PSIP1: variants seen among roughly 807,000 people sequenced by gnomAD.
PSIP1 encodes the protein PC4 and SFRS1-interacting protein.
Under a neutral mutation model 74.7 loss-of-function variants are expected in PSIP1, and 19 were observed. The observed-to-expected ratio is 0.25, with a 90% CI of 0.18 to 0.37. The LOEUF is 0.37. Ranked by LOEUF, PSIP1 falls within the 10% of genes least tolerant of loss-of-function variation. The pLI, the probability that PSIP1 is intolerant of heterozygous loss-of-function variation, is 1.00. For synonymous variants in PSIP1, 222 were observed against 195.3 expected (o/e 1.14, Z -1.14); for missense variants, 601 against 614.3 (o/e 0.98, Z 0.23).
At chr9:15,484,209 T>C (rs1355051181) in intron 6 of PSIP1, among the ~76,000 whole-genome samples, 1 of 147,800 alleles carries the variant, frequency 6.8e-6, no homozygotes, top group African/African-American at 2.5e-5. Context: ...GAGGCTCACA[T>C]CTGCAATCCT....
At chr9:15,504,989 T>C (rs979274976) in intron 3 of PSIP1, 11 of 140,122 alleles carry the variant, frequency 7.9e-5, no homozygotes, top group Admixed American at 7.5e-4. Flanking sequence ...TGAGATGAGG[T>C]CTGCAGTGGT....
intron 8 of PSIP1, among the ~76,000 whole-genome samples, chr9:15,475,800 T>C (rs1409545486): frequency 1.3e-5 from 2 of 152,210 alleles, no homozygotes; most frequent in Non-Finnish European, 2.9e-5. Flanking sequence ...GGTTCTTCCA[T>C]GAAATACAGA....
intron 12 of PSIP1, 92 bp from the exon 13 acceptor site, chr9:15,469,150 G>A: frequency 7.3e-7 from 1 of 1,369,902 alleles, no homozygotes; most frequent in Non-Finnish European, 1.0e-6. Flanking sequence ...AAAAGAGGTA[G>A]TGCAAAATGA....
At chr9:15,485,824 G>T in intron 6 of PSIP1, 182 bp downstream of exon 6, 1 of 468,068 alleles carries the variant, frequency 2.1e-6, no homozygotes, top group South Asian at 4.3e-5. Context: ...GTTACTTTAA[G>T]GGTGCTATAT....
intron 9 of PSIP1, among the ~76,000 whole-genome samples, chr9:15,473,364 C>T (rs2035926429): frequency 6.6e-6 from 1 of 152,098 alleles, no homozygotes; most frequent in Admixed American, 6.5e-5. Flanking sequence ...TCTTCACTGG[C>T]CACAGCCTAT....
At chr9:15,496,222 C>A (rs1313895257) in intron 3 of PSIP1, among the ~76,000 whole-genome samples, 2 of 152,124 alleles carry the variant, frequency 1.3e-5, no homozygotes, top group Non-Finnish European at 2.9e-5. Context: ...GAAATTTTAA[C>A]CATGTTGTTA....
intron 15 of PSIP1, among the ~76,000 whole-genome samples, chr9:15,466,398 C>A (rs528806723): frequency 2.7e-5 from 4 of 149,584 alleles, no homozygotes; most frequent in East Asian, 2.0e-4. Context: ...ACAACAACAA[C>A]AAAACTGTGA....
chr9:15,502,888 A>C (rs2037411724), intron 3 of PSIP1, among the ~76,000 whole-genome samples: 1 of 152,244 alleles, frequency 6.6e-6, no homozygotes, highest in Non-Finnish European at 1.5e-5. Flanking sequence ...ATTTACTATG[A>C]ATGTCCTAAG....
At chr9:15,503,714 A>T (rs1163511244) in intron 3 of PSIP1, among the ~76,000 whole-genome samples, 1 of 151,522 alleles carries the variant, frequency 6.6e-6, no homozygotes, top group East Asian at 1.9e-4. Flanking sequence ...GGGAAAAAAG[A>T]TCATCAGAGA....
chr9:15,500,282 G>A (rs562431017), intron 3 of PSIP1, among the ~76,000 whole-genome samples: 3 of 152,160 alleles, frequency 2.0e-5, no homozygotes, highest in East Asian at 1.9e-4. Context: ...TGGCTATCAC[G>A]GTGAAACCCG....
intron 1 of PSIP1, 123 bp from the exon 2 acceptor site, chr9:15,510,452 C>G (rs2037814620): frequency 7.6e-6 from 3 of 394,492 alleles, no homozygotes; most frequent in Admixed American, 9.5e-5. Context: ...CCCGCTCCTC[C>G]CCCGCCAGTG....
chr9:15,482,340 C>G (rs1004667447), intron 6 of PSIP1, among the ~76,000 whole-genome samples: 2 of 152,120 alleles, frequency 1.3e-5, no homozygotes, highest in Non-Finnish European at 2.9e-5. Flanking sequence ...CAGTTGAGAT[C>G]TCAAAGTCAC....
rs534972605 is a variant in PSIP1 at position 15,488,765 on chromosome 9, T to G, written c.288+1221A>C. ...GGCTGGACACAGTGGCTCAGGCCTGTAATCCCAACACTCTGGGGGGCCGAG... is the reference window on the plus strand; with the variant it reads ...GGCTGGACACAGTGGCTCAGGCCTGGAATCCCAACACTCTGGGGGGCCGAG... On this transcript the variant is annotated intron_variant, in intron 4 of 15. Coordinates refer to ENST00000380733, the MANE Select transcript of PSIP1 (RefSeq NM_033222.5). Among the ~76,000 whole-genome samples the G allele has an allele frequency of 1.1e-4, 17 of 151,818 alleles. No homozygotes were observed. The South Asian group carries it at 2.7e-3, about 24-fold the overall frequency.
At chr9:15,501,956 C>T (rs886241237) in intron 3 of PSIP1, among the ~76,000 whole-genome samples, 5 of 151,782 alleles carry the variant, frequency 3.3e-5, no homozygotes, top group African/African-American at 9.7e-5. Context: ...TTAGGAACCA[C>T]GCTACACAGC....
chr9:15,485,254 G>C (rs1477749691), intron 6 of PSIP1, among the ~76,000 whole-genome samples: 1 of 152,086 alleles, frequency 6.6e-6, no homozygotes, highest in Non-Finnish European at 1.5e-5. Flanking sequence ...CAAGATGCTT[G>C]AGTAGGAATT....
At chr9:15,510,387 G>C (rs2037808000) in intron 1 of PSIP1, 58 bp from the exon 2 acceptor site, 1 of 403,700 alleles carries the variant, frequency 2.5e-6, no homozygotes, top group Middle Eastern at 6.8e-4. Flanking sequence ...GGGCCGCAAG[G>C]GGAGGGGGAG....
intron 8 of PSIP1, among the ~76,000 whole-genome samples, chr9:15,476,313 G>A (rs1166605697): frequency 6.6e-6 from 1 of 152,160 alleles, no homozygotes; most frequent in African/African-American, 2.4e-5. Context: ...CTTTAGGGCT[G>A]GGAGACTGGA....
intron 6 of PSIP1, among the ~76,000 whole-genome samples, chr9:15,480,404 A>T (rs2132089695): frequency 6.6e-6 from 1 of 152,328 alleles, no homozygotes; most frequent in South Asian, 2.1e-4. Flanking sequence ...CTAAAGATAA[A>T]AACAAGAAGG....
intron 3 of PSIP1, among the ~76,000 whole-genome samples, chr9:15,497,492 A>C (rs1020434077): frequency 5.3e-5 from 8 of 152,004 alleles, no homozygotes; most frequent in African/African-American, 1.9e-4. Context: ...ACGCCTGGCT[A>C]CTTTTTATAT....
Sources: allele counts gnomAD v4.1 joint callset (sites outside exome capture counted in the v4.1 genomes callset), GRCh38; gene constraint gnomAD v4.1.1; transcripts MANE v1.5; gene names NCBI Gene and HGNC (gene_info 2026-07-23, HGNC 2026-07-21).